Variants in PDK1 observed in about 807,000 individuals in gnomAD.
PDK1 encodes pyruvate dehydrogenase kinase 1.
PDK1 carries 39 observed loss-of-function variants against 54.2 expected under a neutral mutation model. The ratio of observed to expected loss-of-function variants is 0.72; its 90% CI spans 0.56 to 0.94. PDK1 has a LOEUF of 0.94. Ranked by LOEUF, PDK1 falls within the 40% of genes least tolerant of loss-of-function variation. PDK1 has a pLI of 0.00. For missense variants in PDK1, 552 were observed against 566.0 expected (o/e 0.98, Z 0.25); for synonymous variants, 221 against 207.1 (o/e 1.07, Z -0.58).
the PDK1 span, among the ~76,000 whole-genome samples, chr2:172,665,997 C>A: frequency 6.6e-6 from 1 of 152,134 alleles, no homozygotes; most frequent in Non-Finnish European, 1.5e-5. Context: ...ATAGTAGGAG[C>A]CTGCATATTT....
chr2:172,589,266 C>T (rs1690436023), intron 9 of PDK1, among the ~76,000 whole-genome samples: 1 of 152,206 alleles, frequency 6.6e-6, no homozygotes, highest in Non-Finnish European at 1.5e-5. Flanking sequence ...AGGTAGCTCA[C>T]TCAAATTATG....
chr2:172,645,319 G>A, the PDK1 span, among the ~76,000 whole-genome samples: 1 of 128,808 alleles, frequency 7.8e-6, no homozygotes, highest in African/African-American at 3.0e-5. Flanking sequence ...GGCCCAGGCT[G>A]GAGTGCAGTG....
In PDK1 at chr2:172,607,148, G is replaced by C. The variant is rs1691324538; in HGVS notation, c.*11179G>C. The stretch of plus-strand genomic sequence containing the variant: ...CAAAATTAAAATCCAAAATAGCCAA[G>C]CATGGTGGCTCACGCCTATAATCCC... On this transcript the variant is annotated 3_prime_UTR_variant, in exon 11 of 11. Coordinates refer to ENST00000282077, the MANE Select transcript of PDK1 (RefSeq NM_002610.5). 2 of 152,146 alleles carry C rather than the reference G, an allele frequency of 1.3e-5. No individual in the cohort carries two copies. Among genetic ancestry groups the C allele is most frequent in the African/African-American group, 4.8e-5 (2 of 41,440 alleles). The allele number at this position is 152,146 out of a possible 1,614,324, so 9.4% of individuals were successfully genotyped here. A position where few individuals can be genotyped will look rare whatever the true frequency, so the allele number is the denominator to read the frequency against.
At chr2:172,645,260 CT>C in the PDK1 span, among the ~76,000 whole-genome samples, 2,259 of 51,016 alleles carry the variant, frequency 0.044, 145 homozygotes, top group African/African-American at 0.096. Context: ...ACAAAATAGG[CT>C]TTTTTTTTTT....
At chr2:172,631,255 C>T in the PDK1 span, among the ~76,000 whole-genome samples, 109,148 of 152,198 alleles carry the variant, frequency 0.72, 39,516 homozygotes, top group Non-Finnish European at 0.77. Flanking sequence ...CCCATCCCAT[C>T]GTATGTCATT....
chr2:172,651,579 A>G, the PDK1 span, among the ~76,000 whole-genome samples: 2,824 of 152,304 alleles, frequency 0.019, 89 homozygotes, highest in African/African-American at 0.064. Flanking sequence ...AGCAAGACTA[A>G]TAAAGAAGAA....
At chr2:172,691,147 C>G in the PDK1 span, among the ~76,000 whole-genome samples, 1 of 150,320 alleles carries the variant, frequency 6.7e-6, no homozygotes, top group African/African-American at 2.4e-5. Context: ...TTTAGGCTCT[C>G]AGAAGTATTG....
chr2:172,555,808 G>A (rs1169231956), upstream of PDK1: 2 of 212,700 alleles, frequency 9.4e-6, no homozygotes, highest in South Asian at 1.6e-4. Context: ...CGACGTGTAC[G>A]GGGACGGCCG....
At chr2:172,620,035 G>T in the PDK1 span, among the ~76,000 whole-genome samples, 9 of 152,102 alleles carry the variant, frequency 5.9e-5, no homozygotes, top group Admixed American at 5.9e-4. Flanking sequence ...CGGTAGTGGC[G>T]TTCACCTGTA....
chr2:172,704,044 G>A, the PDK1 span, among the ~76,000 whole-genome samples: 1 of 151,976 alleles, frequency 6.6e-6, no homozygotes, highest in Admixed American at 6.5e-5. Flanking sequence ...AAAGTGCTGG[G>A]ATTACACGTG....
the PDK1 span, among the ~76,000 whole-genome samples, chr2:172,664,716 CCCTTTCT>C: frequency 3.4e-5 from 5 of 148,650 alleles, no homozygotes; most frequent in Non-Finnish European, 7.4e-5. Flanking sequence ...CTTCTTCTGG[CCCTTTCT>C]CCTTCTTCAC....
the PDK1 span, among the ~76,000 whole-genome samples, chr2:172,686,569 A>T: frequency 6.6e-6 from 1 of 152,198 alleles, no homozygotes; most frequent in African/African-American, 2.4e-5. Flanking sequence ...CAAATAAGGG[A>T]ATAAAAGCTG....
chr2:172,558,476 T>C (rs1017863338), intron 1 of PDK1, among the ~76,000 whole-genome samples: 1 of 152,192 alleles, frequency 6.6e-6, no homozygotes, highest in African/African-American at 2.4e-5. Context: ...GTAATTGCTG[T>C]ACAGAGCCAT....
At chr2:172,555,561 A>T (rs1688266382), upstream of PDK1, 1 of 151,618 alleles carries the variant, frequency 6.6e-6, no homozygotes, top group African/African-American at 2.4e-5. Flanking sequence ...GCAAGCGGGG[A>T]CTCCTGAAGC....
In PDK1 at chr2:172,601,779, A is replaced by G. The variant is rs145525764; in HGVS notation, c.*5810A>G. 43 of 152,328 alleles carry G rather than the reference A, an allele frequency of 2.8e-4. 1 individual carries two copies. In the East Asian group the frequency reaches 6.7e-3, roughly 24 times the overall value. 9.4% of individuals were successfully genotyped at this position (152,328 alleles called of 1,614,324 possible). On this transcript the variant is annotated 3_prime_UTR_variant, in exon 11 of 11. Coordinates refer to ENST00000282077, the MANE Select transcript of PDK1 (RefSeq NM_002610.5). ...TGATGGAGGCTTTGCAGGCTGCAGC[A>G]GAAGGGACCCTTCAGATAAACCTCC... is the stretch of plus-strand genomic sequence containing the variant.
At chr2:172,702,711 A>T in the PDK1 span, among the ~76,000 whole-genome samples, 2 of 151,382 alleles carry the variant, frequency 1.3e-5, no homozygotes, top group East Asian at 3.9e-4. Context: ...TTGGCCCTAT[A>T]ATCTTTCACT....
chr2:172,564,798 C>A, intron 4 of PDK1, 111 bp downstream of exon 4: 1 of 1,043,216 alleles, frequency 9.6e-7, no homozygotes, highest in Non-Finnish European at 1.4e-6. Flanking sequence ...TACCTTTTGG[C>A]TAATTAAGAA....
chr2:172,615,135 A>C, the PDK1 span, among the ~76,000 whole-genome samples: 1 of 152,214 alleles, frequency 6.6e-6, no homozygotes, highest in Non-Finnish European at 1.5e-5. Context: ...GGGGTTGAGC[A>C]CAGCAGGCCG....
chr2:172,644,756 T>G, the PDK1 span, among the ~76,000 whole-genome samples: 125 of 152,306 alleles, frequency 8.2e-4, no homozygotes, highest in African/African-American at 2.6e-3. Flanking sequence ...ATCTGGAAAA[T>G]GCAAATGAGA....
Sources: allele counts gnomAD v4.1 joint callset (sites outside exome capture counted in the v4.1 genomes callset), GRCh38; gene constraint gnomAD v4.1.1; transcripts MANE v1.5; gene names NCBI Gene and HGNC (gene_info 2026-07-23, HGNC 2026-07-21).